Variants in TRAPPC3L observed in about 807,000 individuals in gnomAD.
TRAPPC3L encodes trafficking protein particle complex subunit 3L.
TRAPPC3L carries 23 observed loss-of-function variants against 23.7 expected under a neutral mutation model. The ratio of observed to expected loss-of-function variants is 0.97; its 90% CI spans 0.70 to 1.37. TRAPPC3L has a LOEUF of 1.37. TRAPPC3L is among the 40% of genes most tolerant of loss of function. The probability of loss-of-function intolerance (pLI) is 0.00; values close to 1 mark genes in which losing one functional copy is unlikely to be tolerated. For missense variants in TRAPPC3L, 212 were observed against 216.8 expected (o/e 0.98, Z 0.14); for synonymous variants, 81 against 77.9 (o/e 1.04, Z -0.21).
chr6:116,517,667 T>G (rs1202083169), intron 3 of TRAPPC3L: 1 of 152,200 alleles, frequency 6.6e-6, no homozygotes, highest in African/African-American at 2.4e-5. Context: ...GCAGAGCTCC[T>G]AAAACCTTTG....
At chr6:116,544,978 G>A (rs1408367965) in intron 1 of TRAPPC3L, among the ~76,000 whole-genome samples, 3 of 151,698 alleles carry the variant, frequency 2.0e-5, no homozygotes, top group Non-Finnish European at 4.4e-5. Context: ...CTCTTAACCT[G>A]GAATATATAG....
chr6:116,531,025 A>G (rs1772686042), intron 3 of TRAPPC3L, among the ~76,000 whole-genome samples: 1 of 150,420 alleles, frequency 6.6e-6, no homozygotes, highest in South Asian at 2.1e-4. Flanking sequence ...AATGTTTTTC[A>G]TACCCAGATT....
At chr6:116,497,147 T>G in intron 4 of TRAPPC3L, 74 bp from the exon 5 acceptor site, 1 of 1,482,208 alleles carries the variant, frequency 6.7e-7, no homozygotes, top group East Asian at 2.6e-5. Context: ...CAGTCTTTTT[T>G]CAGCTTTCTT....
At chr6:116,532,677 G>A (rs1772816279) in intron 3 of TRAPPC3L, among the ~76,000 whole-genome samples, 1 of 152,216 alleles carries the variant, frequency 6.6e-6, no homozygotes, top group Admixed American at 6.5e-5. Context: ...TTCTTTAGAT[G>A]TAGACTGGAA....
At chr6:116,510,130 C>T (rs1772084239) in intron 3 of TRAPPC3L, among the ~76,000 whole-genome samples, 1 of 152,200 alleles carries the variant, frequency 6.6e-6, no homozygotes, top group South Asian at 2.1e-4. Context: ...AATGAGATAC[C>T]ACCTTATTCC....
At chr6:116,542,914 A>G (rs1773550725) in intron 2 of TRAPPC3L, among the ~76,000 whole-genome samples, 1 of 152,084 alleles carries the variant, frequency 6.6e-6, no homozygotes, top group South Asian at 2.1e-4. Context: ...TGGTTGTGTA[A>G]GCATATATTT....
At chr6:116,529,311 T>G (rs993109987) in intron 3 of TRAPPC3L, 7 of 152,226 alleles carry the variant, frequency 4.6e-5, no homozygotes, top group African/African-American at 1.7e-4. Flanking sequence ...AACAGCTAAT[T>G]TCTCAAATAT....
Position 116,545,526 on chromosome 6 carries a change from G to A in TRAPPC3L, c.-12C>T. 1 of 1,545,734 alleles carries A rather than the reference G, an allele frequency of 6.5e-7. No individual in the cohort carries two copies. Among genetic ancestry groups the A allele is most frequent in the Non-Finnish European group, 8.7e-7 (1 of 1,143,274 alleles). ...GCAGGGCGAGACATAGTGCTTGATA[G>A]ATGAAGAATATGATCTTCAATTTCT... On this transcript the variant is annotated 5_prime_UTR_variant, in exon 1 of 5. Coordinates refer to ENST00000368602, the MANE Select transcript of TRAPPC3L (RefSeq NM_001139444.3).
chr6:116,527,524 A>C (rs1001236433), intron 3 of TRAPPC3L, among the ~76,000 whole-genome samples: 18 of 149,472 alleles, frequency 1.2e-4, no homozygotes, highest in African/African-American at 3.0e-4. Flanking sequence ...CAAAACAAAA[A>C]AAAAAAAAAA....
intron 3 of TRAPPC3L, among the ~76,000 whole-genome samples, chr6:116,503,500 G>C (rs1771953776): frequency 6.6e-6 from 1 of 152,152 alleles, no homozygotes; most frequent in Non-Finnish European, 1.5e-5. Context: ...TCAAGGACTT[G>C]AACTCAGCTT....
chr6:116,542,840 C>T lies in TRAPPC3L; in HGVS notation c.140+463G>A, dbSNP rs570958202. On this transcript the variant is annotated intron_variant, in intron 2 of 4. Coordinates refer to ENST00000368602, the MANE Select transcript of TRAPPC3L (RefSeq NM_001139444.3). ...CCCTTTAATTCACAATTCCTATTTTCTCCATCTTCCCCTTAGGAAACTACC... is the reference window on the plus strand; with the variant it reads ...CCCTTTAATTCACAATTCCTATTTTTTCCATCTTCCCCTTAGGAAACTACC... Among the ~76,000 whole-genome samples the T allele has an allele frequency of 9.2e-5, 14 of 152,198 alleles. No homozygotes were observed. The East Asian group carries it at 1.7e-3, about 19-fold the overall frequency.
At chr6:116,507,966 C>T (rs1385468870) in intron 3 of TRAPPC3L, among the ~76,000 whole-genome samples, 1 of 152,092 alleles carries the variant, frequency 6.6e-6, no homozygotes, top group African/African-American at 2.4e-5. Context: ...TTCCTTGGCT[C>T]CTAGTCCAAG....
chr6:116,511,683 T>C (rs201160942), intron 3 of TRAPPC3L: 1 of 1,609,428 alleles, frequency 6.2e-7, no homozygotes, highest in East Asian at 2.2e-5. Context: ...ATTTTCCCTC[T>C]GTGCATCTCC....
rs1358529729 is a variant in TRAPPC3L at position 116,496,841 on chromosome 6, T to C, written c.*113A>G. The C allele has an allele frequency of 2.2e-6, 3 of 1,365,416 alleles. No individual in the cohort carries two copies. Among genetic ancestry groups the C allele is most frequent in the Non-Finnish European group, 2.9e-6 (3 of 1,050,712 alleles). 84.6% of individuals were successfully genotyped at this position (1,365,416 alleles called of 1,614,324 possible). On this transcript the variant is annotated 3_prime_UTR_variant, in exon 5 of 5. Transcript: ENST00000368602. The stretch of plus-strand genomic sequence containing the variant: ...CCCTGCATTTCAAATTTCTGGCTGA[T>C]TTATAAACCTTTCAAAGCTCATGCT...
chr6:116,538,954 C>T (rs1773266068), intron 3 of TRAPPC3L, among the ~76,000 whole-genome samples: 1 of 151,998 alleles, frequency 6.6e-6, no homozygotes, highest in African/African-American at 2.4e-5. Context: ...TGGTCTCGAT[C>T]TCTCCATCTC....
At position 116,496,660 on chromosome 6, in the gene TRAPPC3L, T is replaced by G. The variant is rs920621535; in HGVS notation, c.*294A>C. On this transcript the variant is annotated 3_prime_UTR_variant, in exon 5 of 5. Coordinates refer to ENST00000368602, the MANE Select transcript of TRAPPC3L (RefSeq NM_001139444.3). ...TTTTTTTCCCATTACCATACGTGAA[T>G]GGAATGAACAGCTTCTCTGAGGATG... 4 of 266,604 alleles carry G rather than the reference T, an allele frequency of 1.5e-5. No homozygotes were observed. Among genetic ancestry groups the G allele is most frequent in the Non-Finnish European group, 2.8e-5 (4 of 143,686 alleles). 16.5% of individuals were successfully genotyped at this position (266,604 alleles called of 1,614,324 possible).
intron 3 of TRAPPC3L, chr6:116,515,579 C>A (rs896145016): frequency 6.3e-7 from 1 of 1,590,724 alleles, no homozygotes; most frequent in Non-Finnish European, 8.6e-7. Flanking sequence ...CGTGTGTACT[C>A]AATATTTCTT....
intron 3 of TRAPPC3L, chr6:116,512,220 T>C: frequency 1.3e-6 from 2 of 1,599,380 alleles, no homozygotes; most frequent in Non-Finnish European, 1.7e-6. Flanking sequence ...AAACTCTCCC[T>C]TCAGGCCCAG....
At chr6:116,540,828 C>G (rs1421864155) in intron 2 of TRAPPC3L, among the ~76,000 whole-genome samples, 1 of 152,110 alleles carries the variant, frequency 6.6e-6, no homozygotes, top group Non-Finnish European at 1.5e-5. Context: ...AAATGAGATC[C>G]TAGCTAAAGC....
Sources: allele counts gnomAD v4.1 joint callset (sites outside exome capture counted in the v4.1 genomes callset), GRCh38; gene constraint gnomAD v4.1.1; transcripts MANE v1.5; gene names NCBI Gene and HGNC (gene_info 2026-07-23, HGNC 2026-07-21).